GRAMD1C: variants seen among roughly 807,000 people sequenced by gnomAD.
GRAMD1C encodes GRAM domain containing 1C.
In GRAMD1C, 89 loss-of-function variants were observed where a neutral mutation model predicts 97.8. The ratio of observed to expected loss-of-function variants is 0.91; its 90% confidence interval spans 0.77 to 1.09. The LOEUF is 1.09. Ranked by LOEUF, GRAMD1C falls within the 50% of genes least tolerant of loss-of-function variation. GRAMD1C has a pLI of 0.00. For synonymous variants in GRAMD1C, 256 were observed against 267.0 expected, an observed-to-expected ratio of 0.96 and a Z score of 0.40; for missense variants, 740 against 766.4, an observed-to-expected ratio of 0.97 and a Z score of 0.41.
intron 6 of GRAMD1C, among the ~76,000 whole-genome samples, chr3:113,887,176 C>T (rs1299284759): frequency 4.0e-5 from 6 of 149,220 alleles, no homozygotes; most frequent in African/African-American, 1.2e-4. Context: ...AGACAACCTC[C>T]GTCTCACAGG....
At chr3:113,916,876 T>C (rs1388705558) in intron 10 of GRAMD1C, among the ~76,000 whole-genome samples, 1 of 152,196 alleles carries the variant, frequency 6.6e-6, no homozygotes, top group Non-Finnish European at 1.5e-5. Context: ...GGGCTGGGTA[T>C]GGTGGCTCAT....
intron 5 of GRAMD1C, among the ~76,000 whole-genome samples, chr3:113,877,258 TTAGA>T (rs1935084393): frequency 6.6e-6 from 1 of 152,254 alleles, no homozygotes; most frequent in Non-Finnish European, 1.5e-5. Flanking sequence ...CTCCATCACC[TTAGA>T]TATTCTGGCA....
chr3:113,915,881 G>A (rs1448014867), intron 10 of GRAMD1C, 43 bp downstream of exon 10: 1 of 1,432,348 alleles, frequency 7.0e-7, no homozygotes, highest in Non-Finnish European at 9.8e-7. Flanking sequence ...TTGGGAGAAT[G>A]CTATTATTCT....
chr3:113,834,176 C>CCAT (rs1709600940), upstream of GRAMD1C, among the ~76,000 whole-genome samples: 2 of 151,910 alleles, frequency 1.3e-5, no homozygotes, highest in Non-Finnish European at 2.9e-5. Context: ...CTTTACACCT[C>CCAT]CATTATTATT....
chr3:113,902,374 C>T (rs1002142665), intron 7 of GRAMD1C, among the ~76,000 whole-genome samples: 2 of 151,984 alleles, frequency 1.3e-5, no homozygotes, highest in South Asian at 2.1e-4. Flanking sequence ...AGCCTCTTGC[C>T]GGCTCTGGAT....
At chr3:113,867,577 T>C (rs992853260) in intron 2 of GRAMD1C, among the ~76,000 whole-genome samples, 1 of 152,210 alleles carries the variant, frequency 6.6e-6, no homozygotes, top group African/African-American at 2.4e-5. Context: ...TAGGGATGCA[T>C]GTGCCACTAC....
chr3:113,846,092 T>G (rs1933597839), intron 2 of GRAMD1C, among the ~76,000 whole-genome samples: 1 of 140,746 alleles, frequency 7.1e-6, no homozygotes. Context: ...ATTGTAGTAT[T>G]ATGACCTTTC....
chr3:113,891,593 AT>A (rs1935727019), intron 6 of GRAMD1C, among the ~76,000 whole-genome samples: 1 of 151,904 alleles, frequency 6.6e-6, no homozygotes, highest in African/African-American at 2.4e-5. Flanking sequence ...TATTAAAAAT[AT>A]TTTTGGCCAA....
chr3:113,871,869 A>G (rs1934830793), intron 3 of GRAMD1C, among the ~76,000 whole-genome samples: 1 of 151,998 alleles, frequency 6.6e-6, no homozygotes, highest in Non-Finnish European at 1.5e-5. Flanking sequence ...TGAGCCCAGG[A>G]GGTGGAGGTT....
intron 10 of GRAMD1C, chr3:113,919,876 T>A: frequency 6.1e-6 from 4 of 653,350 alleles, no homozygotes; most frequent in South Asian, 5.5e-5. Context: ...TCACAGGAAT[T>A]GGACCCAGTA....
rs575030783 is a variant in GRAMD1C at position 113,865,021 on chromosome 3, C to T, written c.175-4486C>T. Among the ~76,000 whole-genome samples, 8 of 152,304 alleles carry T rather than the reference C, an allele frequency of 5.3e-5. No individual in the cohort carries two copies. The South Asian group carries it at 1.4e-3, about 28-fold the overall frequency. On this transcript the variant is annotated intron_variant, in intron 2 of 17. Transcript: ENST00000358160. ...ATATAGAAAGGAGATTTATTTGGCT[C>T]ATGGTTCTGGAGGATGGAAAGTTCA...
chr3:113,860,169 G>C (rs539841527), intron 2 of GRAMD1C, among the ~76,000 whole-genome samples: 1 of 151,962 alleles, frequency 6.6e-6, no homozygotes, highest in Non-Finnish European at 1.5e-5. Flanking sequence ...TTACAGGCGC[G>C]TGCCACCACG....
intron 6 of GRAMD1C, among the ~76,000 whole-genome samples, chr3:113,899,942 A>G: frequency 6.6e-6 from 1 of 152,302 alleles, no homozygotes; most frequent in East Asian, 1.9e-4. Context: ...TTATTGATAT[A>G]TAAGATTTTT....
At chr3:113,926,492 T>A (rs1041727556) in intron 10 of GRAMD1C, among the ~76,000 whole-genome samples, 2 of 152,210 alleles carry the variant, frequency 1.3e-5, no homozygotes, top group Non-Finnish European at 2.9e-5. Context: ...TTCATTCCTA[T>A]CTATATTCTG....
Position 113,933,728 on chromosome 3 carries a change from T to C in GRAMD1C, c.1352+75T>C, listed in dbSNP as rs1937523183. On this transcript the variant is annotated intron_variant, in intron 12 of 17. Coordinates refer to ENST00000358160, the MANE Select transcript of GRAMD1C (RefSeq NM_017577.5). ...TAATTTATTCATCCTGAATTCTTAG[T>C]AGTAGCTTTACACAACAGTTTTATT... 5.9e-6 allele frequency: 6 copies of C among 1,014,894 alleles called. No individual in the cohort carries two copies. The East Asian group carries it at 1.2e-4, about 21-fold the overall frequency. 62.9% of individuals were successfully genotyped at this position (1,014,894 alleles called of 1,614,324 possible). A position where few individuals can be genotyped will look rare whatever the true frequency, so the allele number is the denominator to read the frequency against.
At chr3:113,870,655 T>C (rs1934766320) in intron 3 of GRAMD1C, among the ~76,000 whole-genome samples, 2 of 152,106 alleles carry the variant, frequency 1.3e-5, no homozygotes, top group Non-Finnish European at 2.9e-5. Context: ...GATTTGATCA[T>C]TACAAAATAT....
At chr3:113,903,771 G>C (rs1936257127) in intron 7 of GRAMD1C, among the ~76,000 whole-genome samples, 1 of 151,642 alleles carries the variant, frequency 6.6e-6, no homozygotes, top group Non-Finnish European at 1.5e-5. Context: ...GCCTTCTTGT[G>C]CGATCTAGTA....
At chr3:113,932,572 A>C (rs1327988696) in intron 11 of GRAMD1C, among the ~76,000 whole-genome samples, 1 of 152,194 alleles carries the variant, frequency 6.6e-6, no homozygotes, top group Non-Finnish European at 1.5e-5. Flanking sequence ...TGAATTGTTC[A>C]CCTAACAGGA....
intron 6 of GRAMD1C, among the ~76,000 whole-genome samples, chr3:113,890,112 C>G (rs1420261190): frequency 6.6e-6 from 1 of 152,140 alleles, no homozygotes; most frequent in Non-Finnish European, 1.5e-5. Context: ...GTGCCCAACT[C>G]AAATGCTTTC....
Sources: gnomAD v4.1 joint callset for allele counts (sites outside exome capture counted in the v4.1 genomes callset) on GRCh38, gnomAD v4.1.1 for gene constraint, MANE v1.5 for transcripts, NCBI Gene and HGNC (gene_info 2026-07-23, HGNC 2026-07-21) for gene names.